The following SNTG1 variants were observed in gnomAD, a reference collection of about 807,000 sequenced individuals.
The protein encoded by SNTG1 is syntrophin gamma 1.
In SNTG1, 39 loss-of-function variants were observed where a neutral mutation model predicts 74.7. The ratio of observed to expected loss-of-function variants is 0.52; its 90% CI spans 0.40 to 0.68. The LOEUF (loss-of-function observed/expected upper bound fraction) is 0.68, where lower values mean the gene tolerates loss of function less well. Among genes scored for constraint, SNTG1 ranks in the 30% least tolerant of loss-of-function variants. The pLI is 0.00. For missense variants in SNTG1, 685 were observed against 609.5 expected, an observed-to-expected ratio of 1.12 and a Z score of -1.30; for synonymous variants, 254 against 217.1, an observed-to-expected ratio of 1.17 and a Z score of -1.49.
intron 2 of SNTG1, among the ~76,000 whole-genome samples, chr8:50,201,697 T>G (rs1472622662): frequency 1.3e-5 from 2 of 152,142 alleles, no homozygotes; most frequent in Non-Finnish European, 2.9e-5. Flanking sequence ...GATGTGCTTT[T>G]CTTTTAGACA....
intron 15 of SNTG1, among the ~76,000 whole-genome samples, chr8:50,666,156 T>G (rs1586010642): frequency 6.6e-6 from 1 of 152,154 alleles, no homozygotes; most frequent in African/African-American, 2.4e-5. Flanking sequence ...TAACCAAATC[T>G]AATGTGATTT....
intron 13 of SNTG1, among the ~76,000 whole-genome samples, chr8:50,629,399 T>C (rs1454095513): frequency 6.6e-6 from 1 of 152,080 alleles, no homozygotes; most frequent in Non-Finnish European, 1.5e-5. Context: ...AATGAGATGA[T>C]TTTTTTCCAC....
At position 50,751,153 on chromosome 8, in the gene SNTG1, AT is replaced by A. The variant is rs1420741205; in HGVS notation, c.1285-847del. Among the ~76,000 whole-genome samples, 36 of 152,076 alleles carry A rather than the reference AT, an allele frequency of 2.4e-4. 1 individual carries two copies. The highest frequency in any genetic ancestry group is 2.4e-3 in the Admixed American group (36 of 15,252). ...TATTTTCTATCACATATTTAATGAG[AT>A]AAAGGTATGCTAAGATAAGGTAAAA... On this transcript the variant is annotated intron_variant, in intron 17 of 18. Coordinates refer to ENST00000642720, the MANE Select transcript of SNTG1 (RefSeq NM_018967.5).
intron 1 of SNTG1, among the ~76,000 whole-genome samples, chr8:50,016,889 A>T (rs1816373573): frequency 6.6e-6 from 1 of 152,122 alleles, no homozygotes; most frequent in Admixed American, 6.6e-5. Context: ...AACTAATAAG[A>T]CTAACAACTG....
chr8:50,274,405 C>A (rs1036153117), intron 2 of SNTG1, among the ~76,000 whole-genome samples: 1 of 147,416 alleles, frequency 6.8e-6, no homozygotes, highest in Non-Finnish European at 1.5e-5. Flanking sequence ...ATCATGTACC[C>A]TGCAACCCTC....
chr8:50,657,467 G>T (rs1450864088), intron 14 of SNTG1, among the ~76,000 whole-genome samples: 1 of 152,044 alleles, frequency 6.6e-6, no homozygotes, highest in Non-Finnish European at 1.5e-5. Flanking sequence ...ATTTTCCAAG[G>T]ATCTTTTGAA....
At chr8:50,237,652 G>C (rs1191102150) in intron 2 of SNTG1, among the ~76,000 whole-genome samples, 9 of 151,930 alleles carry the variant, frequency 5.9e-5, no homozygotes, top group Admixed American at 3.9e-4. Flanking sequence ...TTTTATTTTA[G>C]TATCCATTTA....
At chr8:50,699,404 C>T (rs1239160264) in intron 15 of SNTG1, among the ~76,000 whole-genome samples, 3 of 151,816 alleles carry the variant, frequency 2.0e-5, no homozygotes, top group African/African-American at 7.3e-5. Flanking sequence ...TTTGGGGTCC[C>T]AATATTTGAT....
At chr8:50,155,845 A>G (rs2082236620) in intron 1 of SNTG1, among the ~76,000 whole-genome samples, 1 of 152,028 alleles carries the variant, frequency 6.6e-6, no homozygotes, top group Non-Finnish European at 1.5e-5. Flanking sequence ...AATAATAAAG[A>G]CAAAAGTTGT....
intron 1 of SNTG1, among the ~76,000 whole-genome samples, chr8:50,057,209 C>T (rs1820098733): frequency 6.6e-6 from 1 of 152,152 alleles, no homozygotes; most frequent in Non-Finnish European, 1.5e-5. Flanking sequence ...GCCAGAGAAA[C>T]AGTCAGTTTG....
intron 9 of SNTG1, among the ~76,000 whole-genome samples, chr8:50,517,707 G>C (rs2094146087): frequency 6.8e-6 from 1 of 147,308 alleles, no homozygotes; most frequent in Admixed American, 6.8e-5. Context: ...CAAAGACAAA[G>C]AAGGGCATTA....
chr8:50,703,718 G>T (rs1026088212), intron 15 of SNTG1, among the ~76,000 whole-genome samples: 3 of 152,124 alleles, frequency 2.0e-5, no homozygotes, highest in East Asian at 1.9e-4. Flanking sequence ...AGCACAGCAG[G>T]TTTGTTTACA....
intron 15 of SNTG1, among the ~76,000 whole-genome samples, chr8:50,660,723 A>T (rs2095218483): frequency 6.6e-6 from 1 of 152,200 alleles, no homozygotes; most frequent in African/African-American, 2.4e-5. Flanking sequence ...AGCTATTTAA[A>T]CATTAGAACA....
At chr8:49,971,877 A>C (rs890465509) in intron 1 of SNTG1, among the ~76,000 whole-genome samples, 4 of 152,202 alleles carry the variant, frequency 2.6e-5, no homozygotes, top group African/African-American at 9.7e-5. Flanking sequence ...GATACAAAGA[A>C]ATGGAAGAAC....
chr8:49,994,584 T>C (rs1814023310), intron 1 of SNTG1, among the ~76,000 whole-genome samples: 1 of 151,996 alleles, frequency 6.6e-6, no homozygotes, highest in South Asian at 2.1e-4. Flanking sequence ...ATTCTTATAA[T>C]GGAACTTTAT....
chr8:50,725,470 GTAAT>G (rs1240692097), intron 17 of SNTG1, among the ~76,000 whole-genome samples: 2 of 152,174 alleles, frequency 1.3e-5, no homozygotes, highest in Non-Finnish European at 2.9e-5. Context: ...TAATATAAAA[GTAAT>G]AAATATAGTC....
At chr8:50,339,486 A>T (rs1244559303) in intron 2 of SNTG1, among the ~76,000 whole-genome samples, 3 of 152,052 alleles carry the variant, frequency 2.0e-5, no homozygotes, top group Non-Finnish European at 4.4e-5. Context: ...AATGAATTAC[A>T]GCCATGTTAT....
At chr8:50,435,185 A>T (rs1400554900) in intron 4 of SNTG1, among the ~76,000 whole-genome samples, 1 of 152,152 alleles carries the variant, frequency 6.6e-6, no homozygotes, top group African/African-American at 2.4e-5. Flanking sequence ...GTCTTTATAC[A>T]GTCCGATATT....
intron 15 of SNTG1, among the ~76,000 whole-genome samples, chr8:50,684,740 C>CT (rs71235319): frequency 0.21 from 28,696 of 134,968 alleles, 2,830 homozygotes; most frequent in South Asian, 0.32. Flanking sequence ...TTTTTTTTTT[C>CT]TTTTTTTTTA....
Sources: gnomAD v4.1 joint callset for allele counts (sites outside exome capture counted in the v4.1 genomes callset) on GRCh38, gnomAD v4.1.1 for gene constraint, MANE v1.5 for transcripts, NCBI Gene and HGNC (gene_info 2026-07-23, HGNC 2026-07-21) for gene names.